KHDRBS2: variants seen among roughly 807,000 people sequenced by gnomAD.
KHDRBS2 encodes the protein KH RNA binding domain containing, signal transduction associated 2.
In KHDRBS2, 26 loss-of-function variants were observed where a neutral mutation model predicts 44.3. The observed-to-expected ratio is 0.59, with a 90% CI of 0.43 to 0.81. The LOEUF (loss-of-function observed/expected upper bound fraction) is 0.81. Among genes scored for constraint, KHDRBS2 ranks in the 40% least tolerant of loss-of-function variants. The pLI is 0.00. For missense variants in KHDRBS2, 476 were observed against 433.1 expected (o/e 1.10, Z -0.88); for synonymous variants, 194 against 151.1 (o/e 1.28, Z -2.08).
intron 2 of KHDRBS2, among the ~76,000 whole-genome samples, chr6:62,100,369 G>C (rs545820894): frequency 7.2e-5 from 11 of 152,162 alleles, no homozygotes; most frequent in Non-Finnish European, 1.3e-4. Flanking sequence ...GACAACAAAG[G>C]ATTCATAATA....
chr6:62,070,398 T>C (rs1045272229), intron 2 of KHDRBS2, among the ~76,000 whole-genome samples: 10 of 152,056 alleles, frequency 6.6e-5, no homozygotes, highest in African/African-American at 1.4e-4. Context: ...TGCAGGTTTG[T>C]TACATATATA....
chr6:62,251,435 ATTAT>A (rs1318115896), intron 1 of KHDRBS2, among the ~76,000 whole-genome samples: 1 of 151,978 alleles, frequency 6.6e-6, no homozygotes, highest in Non-Finnish European at 1.5e-5. Flanking sequence ...TAAGTTTGCA[ATTAT>A]TTTAGAATAA....
At chr6:62,102,737 C>T (rs577049233) in intron 2 of KHDRBS2, among the ~76,000 whole-genome samples, 25 of 152,218 alleles carry the variant, frequency 1.6e-4, no homozygotes, top group Middle Eastern at 3.4e-3. Flanking sequence ...TTGGGAAACC[C>T]CAAGATATGG....
At chr6:61,574,769 T>C in the KHDRBS2 span, among the ~76,000 whole-genome samples, 1 of 151,784 alleles carries the variant, frequency 6.6e-6, no homozygotes, top group Non-Finnish European at 1.5e-5. Context: ...ATTAGCTGGG[T>C]GTGGTGGCGG....
chr6:61,667,554 A>G, the KHDRBS2 span, among the ~76,000 whole-genome samples: 1 of 151,310 alleles, frequency 6.6e-6, no homozygotes. Flanking sequence ...CCTTTTCCTA[A>G]GAGGGCTCCA....
intron 6 of KHDRBS2, among the ~76,000 whole-genome samples, chr6:61,772,626 C>CTATTT (rs1781139485): frequency 6.6e-6 from 1 of 151,544 alleles, no homozygotes; most frequent in Non-Finnish European, 1.5e-5. Context: ...GAAGTTGATT[C>CTATTT]TCTTTTATTT....
chr6:61,784,769 A>G (rs1209083891), intron 6 of KHDRBS2, among the ~76,000 whole-genome samples: 4 of 152,164 alleles, frequency 2.6e-5, no homozygotes, highest in Non-Finnish European at 5.9e-5. Flanking sequence ...ATCTACATGT[A>G]TCCGTACAGT....
At chr6:61,681,103 G>C in intron 8 of KHDRBS2, 43 bp from the exon 9 acceptor site, 2 of 1,346,848 alleles carry the variant, frequency 1.5e-6, no homozygotes, top group Non-Finnish European at 2.1e-6. Flanking sequence ...TGACTTCACA[G>C]TTACCAAAAA....
chr6:61,635,229 T>A, the KHDRBS2 span, among the ~76,000 whole-genome samples: 4 of 152,016 alleles, frequency 2.6e-5, no homozygotes, highest in Non-Finnish European at 5.9e-5. Context: ...ACCAGCCCAT[T>A]GGTAAACAAA....
At chr6:61,625,432 A>C in the KHDRBS2 span, among the ~76,000 whole-genome samples, 14 of 150,834 alleles carry the variant, frequency 9.3e-5, no homozygotes, top group African/African-American at 2.9e-4. Context: ...CTTCAAGAGA[A>C]TCTGATGCAA....
At chr6:62,142,659 C>T (rs968553518) in intron 2 of KHDRBS2, among the ~76,000 whole-genome samples, 5 of 151,814 alleles carry the variant, frequency 3.3e-5, no homozygotes, top group Admixed American at 2.0e-4. Flanking sequence ...CTTTAAGTCC[C>T]GATGAATATG....
At chr6:61,961,390 G>T (rs995285088) in intron 4 of KHDRBS2, among the ~76,000 whole-genome samples, 4 of 146,370 alleles carry the variant, frequency 2.7e-5, no homozygotes, top group African/African-American at 7.6e-5. Context: ...AGGGAAGAAA[G>T]AAAAAGAAAG....
intron 1 of KHDRBS2, among the ~76,000 whole-genome samples, chr6:62,218,617 T>A (rs1411089870): frequency 1.3e-5 from 2 of 151,802 alleles, no homozygotes; most frequent in Non-Finnish European, 2.9e-5. Context: ...TCAAACAGAA[T>A]TTCCAGAAAA....
chr6:61,952,184 A>T (rs1764894714), intron 4 of KHDRBS2, among the ~76,000 whole-genome samples: 2 of 152,094 alleles, frequency 1.3e-5, no homozygotes, highest in African/African-American at 2.4e-5. Flanking sequence ...CTTTCAAGAA[A>T]TTATATAAAA....
At chr6:61,545,272 C>T in the KHDRBS2 span, among the ~76,000 whole-genome samples, 2 of 151,810 alleles carry the variant, frequency 1.3e-5, no homozygotes, top group South Asian at 2.1e-4. Context: ...AAAGTGAGAC[C>T]CCATCTTTAT....
chr6:61,674,577 C>A, the KHDRBS2 span, among the ~76,000 whole-genome samples: 1 of 151,716 alleles, frequency 6.6e-6, no homozygotes, highest in African/African-American at 2.4e-5. Flanking sequence ...TGCTCAAAAA[C>A]CAGAAGATTC....
At chr6:61,813,538 A>T (rs1715023) in intron 6 of KHDRBS2, among the ~76,000 whole-genome samples, 22,284 of 152,144 alleles carry the variant, frequency 0.15, 2,291 homozygotes, top group South Asian at 0.27. Flanking sequence ...ATATAGATTT[A>T]AGTAAGCTAA....
intron 1 of KHDRBS2, among the ~76,000 whole-genome samples, chr6:62,187,132 T>A (rs1563026378): frequency 1.4e-4 from 21 of 152,268 alleles, no homozygotes; most frequent in Non-Finnish European, 2.9e-5. Context: ...AACTTGCACC[T>A]GGTGCAAAGA....
In KHDRBS2 at chr6:62,235,511, T is replaced by C. The variant is rs1181227283; in HGVS notation, c.91+50347A>G. Among the ~76,000 whole-genome samples the C allele has an allele frequency of 8.5e-5, 13 of 152,176 alleles. 2 individuals carry two copies. The highest frequency in any genetic ancestry group is 7.9e-4 in the Admixed American group (12 of 15,282). ...AATTTTATCTTCTGGACCCAGAATT[T>C]TATTTATTTCCTCTGGGATCAGATA... is the stretch of plus-strand genomic sequence containing the variant. On this transcript the variant is annotated intron_variant, in intron 1 of 8. Coordinates refer to ENST00000281156, the MANE Select transcript of KHDRBS2 (RefSeq NM_152688.4).
Sources: gnomAD v4.1 joint callset for allele counts (sites outside exome capture counted in the v4.1 genomes callset) on GRCh38, gnomAD v4.1.1 for gene constraint, MANE v1.5 for transcripts, NCBI Gene and HGNC (gene_info 2026-07-23, HGNC 2026-07-21) for gene names.